PRKCH: variants seen among roughly 807,000 people sequenced by gnomAD.
PRKCH encodes the protein protein kinase C eta type.
In PRKCH, 28 loss-of-function variants were observed where a neutral mutation model predicts 82.5. That is an observed-to-expected ratio of 0.34 (90% CI 0.25 to 0.47). The LOEUF is 0.47. Among genes scored for constraint, PRKCH ranks in the 20% least tolerant of loss-of-function variants. The pLI, the probability that PRKCH is intolerant of heterozygous loss-of-function variation, is 1.00. For missense variants in PRKCH, 705 were observed against 881.8 expected (o/e 0.80, Z 2.54); for synonymous variants, 322 against 327.4 (o/e 0.98, Z 0.18).
intron 1 of PRKCH, chr14:61,347,921 A>G (rs1410125208): frequency 6.5e-6 from 1 of 152,768 alleles, no homozygotes; most frequent in African/African-American, 2.4e-5. Flanking sequence ...TGGCGGAGGC[A>G]GTGGGGTGAG....
intron 12 of PRKCH, chr14:61,543,492 CCTCA>C (rs560304455): frequency 6.6e-6 from 1 of 152,212 alleles, no homozygotes; most frequent in African/African-American, 2.4e-5. Flanking sequence ...ACCCTGGTCC[CCTCA>C]CTCACTCTGT....
intron 10 of PRKCH, among the ~76,000 whole-genome samples, chr14:61,512,002 A>G (rs7145797): frequency 0.079 from 12,017 of 152,108 alleles, 877 homozygotes; most frequent in African/African-American, 0.19. Flanking sequence ...CAAATAATTC[A>G]TGTTTTTCAG....
At chr14:61,481,560 C>T (rs1464397712) in intron 9 of PRKCH, among the ~76,000 whole-genome samples, 2 of 152,188 alleles carry the variant, frequency 1.3e-5, no homozygotes, top group African/African-American at 2.4e-5. Flanking sequence ...TTCCATCTTT[C>T]AGATGAAAAT....
chr14:61,404,040 C>G (rs1881806348), intron 2 of PRKCH, among the ~76,000 whole-genome samples: 1 of 152,182 alleles, frequency 6.6e-6, no homozygotes, highest in African/African-American at 2.4e-5. Context: ...AGTTTGTTTT[C>G]CAGGCCACTT....
At chr14:61,233,657 C>T (rs2044762850) in intron 1 of PRKCH, among the ~76,000 whole-genome samples, 1 of 152,110 alleles carries the variant, frequency 6.6e-6, no homozygotes, top group African/African-American at 2.4e-5. Flanking sequence ...GGTGGTTACC[C>T]TCATGCTGTT....
At chr14:61,417,687 C>G (rs1269062763) in intron 2 of PRKCH, among the ~76,000 whole-genome samples, 3 of 151,952 alleles carry the variant, frequency 2.0e-5, no homozygotes, top group Non-Finnish European at 4.4e-5. Flanking sequence ...AAGGAGTCCT[C>G]CTTCTGTCTT....
At chr14:61,486,233 A>G (rs565251774) in intron 10 of PRKCH, among the ~76,000 whole-genome samples, 1 of 151,732 alleles carries the variant, frequency 6.6e-6, no homozygotes, top group South Asian at 2.1e-4. Flanking sequence ...CCATGATTCT[A>G]TTCCATTTTA....
intron 2 of PRKCH, among the ~76,000 whole-genome samples, chr14:61,424,807 A>G (rs1883025858): frequency 6.6e-6 from 1 of 152,220 alleles, no homozygotes; most frequent in Non-Finnish European, 1.5e-5. Flanking sequence ...CCCGAGGCCT[A>G]GAAGGGAAAA....
rs990081730 is a variant in PRKCH, at chr14:61,453,326, C to A, written c.933C>A (p.Leu311=). The change falls in exon 7 of 14, where the codon CTC becomes CTA. Residue 311 remains leucine, a synonymous_variant. Coordinates refer to ENST00000332981, the MANE Select transcript of PRKCH (RefSeq NM_006255.5). ...CCAAGACCCTGGCAGGGATGGGTCT[C>A]CAACCCGGAAATATTTCTCCAACCT... ...ELAKTLAGMG[L]QPGNISPTSK... is the part of the protein sequence containing the mutation. 1 of 1,613,374 alleles carries A rather than the reference C, an allele frequency of 6.2e-7. No homozygotes were observed. Among genetic ancestry groups the A allele is most frequent in the Non-Finnish European group, 8.5e-7 (1 of 1,179,680 alleles).
intron 1 of PRKCH, among the ~76,000 whole-genome samples, chr14:61,250,633 T>C (rs1371802053): frequency 6.6e-6 from 1 of 152,072 alleles, no homozygotes; most frequent in African/African-American, 2.4e-5. Flanking sequence ...TTTAGGGTAG[T>C]AAAACGATTC....
At chr14:61,243,269 G>C (rs148206487) in intron 1 of PRKCH, among the ~76,000 whole-genome samples, 12 of 151,396 alleles carry the variant, frequency 7.9e-5, no homozygotes, top group Admixed American at 2.0e-4. Context: ...GTGGTTGTGC[G>C]CACCTGTAGT....
intron 2 of PRKCH, among the ~76,000 whole-genome samples, chr14:61,409,858 A>G (rs1015576251): frequency 2.0e-5 from 3 of 152,188 alleles, no homozygotes; most frequent in Non-Finnish European, 4.4e-5. Flanking sequence ...CCAGCATTGT[A>G]CATTGTCAGG....
intron 2 of PRKCH, among the ~76,000 whole-genome samples, chr14:61,403,035 T>C (rs1191309971): frequency 1.3e-5 from 2 of 152,058 alleles, no homozygotes; most frequent in East Asian, 3.9e-4. Flanking sequence ...GCCTCCCCAC[T>C]AGCTGTCTTC....
At chr14:61,444,507 A>T (rs1884123269) in intron 3 of PRKCH, among the ~76,000 whole-genome samples, 1 of 149,322 alleles carries the variant, frequency 6.7e-6, no homozygotes, top group Non-Finnish European at 1.5e-5. Flanking sequence ...TGACATTCAT[A>T]ATGGAAACTT....
chr14:61,346,556 A>G (rs1386339570), intron 1 of PRKCH, among the ~76,000 whole-genome samples: 1 of 152,224 alleles, frequency 6.6e-6, no homozygotes, highest in Non-Finnish European at 1.5e-5. Flanking sequence ...AGCAATTATT[A>G]CGTGTCTGGG....
intron 1 of PRKCH, chr14:61,306,723 A>G (rs781723232): frequency 1.3e-5 from 2 of 152,252 alleles, no homozygotes; most frequent in African/African-American, 2.4e-5. Context: ...ACGAAAACAC[A>G]CAATCACATT....
At chr14:61,544,281 C>G (rs994103336) in intron 12 of PRKCH, 1 of 152,216 alleles carries the variant, frequency 6.6e-6, no homozygotes, top group Non-Finnish European at 1.5e-5. Context: ...CAGGCCGTTT[C>G]TATGAGAGGA....
At chr14:61,541,811 C>T (rs988461837) in intron 12 of PRKCH, among the ~76,000 whole-genome samples, 10 of 152,170 alleles carry the variant, frequency 6.6e-5, no homozygotes, top group East Asian at 1.9e-4. Flanking sequence ...AATGACACAG[C>T]GTTAAACTCT....
At chr14:61,457,341 T>C in intron 8 of PRKCH, 22 bp downstream of exon 8, 3 of 1,612,612 alleles carry the variant, frequency 1.9e-6, no homozygotes, top group Non-Finnish European at 2.5e-6. Context: ...CTTTAACTGT[T>C]TGGGTTGAAG....
Sources: allele counts gnomAD v4.1 joint callset (sites outside exome capture counted in the v4.1 genomes callset), GRCh38; gene constraint gnomAD v4.1.1; transcripts MANE v1.5; gene names NCBI Gene and HGNC (gene_info 2026-07-23, HGNC 2026-07-21).